Variants in CTNNA2 observed in about 807,000 individuals in gnomAD.
The protein encoded by CTNNA2 is catenin alpha 2.
Under a neutral mutation model 101.0 loss-of-function variants are expected in CTNNA2, and 42 were observed. The ratio of observed to expected loss-of-function variants is 0.42; its 90% CI spans 0.32 to 0.54. The LOEUF is 0.54. Among genes scored for constraint, CTNNA2 ranks in the 20% least tolerant of loss-of-function variants. CTNNA2 has a pLI of 0.14. For missense variants in CTNNA2, 871 were observed against 1,223.1 expected (o/e 0.71, Z 4.29); for synonymous variants, 450 against 456.4 (o/e 0.99, Z 0.18).
intron 7 of CTNNA2, among the ~76,000 whole-genome samples, chr2:80,321,557 T>C (rs529529462): frequency 1.3e-5 from 2 of 152,360 alleles, no homozygotes; most frequent in African/African-American, 4.8e-5. Context: ...GGTGTATGAA[T>C]TCATAAAATG....
intron 4 of CTNNA2, among the ~76,000 whole-genome samples, chr2:79,452,723 A>G (rs1278021164): frequency 6.6e-6 from 1 of 152,058 alleles, no homozygotes; most frequent in Non-Finnish European, 1.5e-5. Flanking sequence ...AGAGCTTTCA[A>G]ACATCTGAAG....
At position 80,589,293 on chromosome 2, in the gene CTNNA2, A is replaced by G; in HGVS notation, c.2008-11A>G. 6.2e-7 allele frequency: 1 copy of G among 1,613,050 alleles called. No homozygotes were observed. Among genetic ancestry groups the G allele is most frequent in the South Asian group, 1.1e-5 (1 of 90,984 alleles). On this transcript the variant is annotated splice_polypyrimidine_tract_variant and intron_variant, in intron 14 of 18. Transcript: ENST00000402739. ...TCACCGTCACTCACGCTTTTTCTGT[A>G]ACCCACGCAGGCCATCATGGCGCAA...
chr2:80,363,136 C>T (rs1674579058), intron 7 of CTNNA2, among the ~76,000 whole-genome samples: 1 of 151,340 alleles, frequency 6.6e-6, no homozygotes, highest in Non-Finnish European at 1.5e-5. Flanking sequence ...TTTAAAAAAT[C>T]CTGCAAGATA....
At chr2:80,599,439 T>C (rs759804968) in intron 15 of CTNNA2, among the ~76,000 whole-genome samples, 4 of 152,178 alleles carry the variant, frequency 2.6e-5, no homozygotes, top group African/African-American at 4.8e-5. Flanking sequence ...AAAGATATGG[T>C]TATTATTCCA....
chr2:79,521,337 T>G (rs1672112592), intron 1 of CTNNA2, among the ~76,000 whole-genome samples: 1 of 151,880 alleles, frequency 6.6e-6, no homozygotes, highest in African/African-American at 2.4e-5. Context: ...GACTGCTTCC[T>G]CAGCCGGTGC....
intron 3 of CTNNA2, among the ~76,000 whole-genome samples, chr2:79,752,286 A>C (rs944621520): frequency 6.6e-6 from 1 of 152,198 alleles, no homozygotes; most frequent in African/African-American, 2.4e-5. Flanking sequence ...GCGAACAAAG[A>C]ATCCTAAAAT....
chr2:80,635,012 A>G (rs1672722593), intron 18 of CTNNA2, among the ~76,000 whole-genome samples: 1 of 152,166 alleles, frequency 6.6e-6, no homozygotes, highest in Admixed American at 6.6e-5. Context: ...ACGGATGCTT[A>G]GATCATTCTC....
At chr2:80,508,323 T>A (rs1688431262) in intron 9 of CTNNA2, among the ~76,000 whole-genome samples, 1 of 151,906 alleles carries the variant, frequency 6.6e-6, no homozygotes, top group Non-Finnish European at 1.5e-5. Flanking sequence ...AAAATAATAA[T>A]AATTTTAAAA....
intron 2 of CTNNA2, among the ~76,000 whole-genome samples, chr2:79,202,342 TTA>T (rs1674047385): frequency 6.6e-6 from 1 of 151,568 alleles, no homozygotes; most frequent in African/African-American, 2.4e-5. Flanking sequence ...TTTATTTTTT[TTA>T]TTTTTTTTAT....
chr2:80,409,916 T>A lies in CTNNA2; in HGVS notation c.1138-9533T>A, dbSNP rs10203037. 5.7e-3 allele frequency among the ~76,000 whole-genome samples: 871 copies of A among 152,276 alleles called. 3 individuals are homozygous for A. Among genetic ancestry groups the A allele is most frequent in the African/African-American group, 0.02 (820 of 41,548 alleles). ...CACAATTAAAGGCAAATAAGAGAAC[T>A]TTTTTAGTTTTTCAAGAATGAATAT... On this transcript the variant is annotated intron_variant, in intron 8 of 18. Coordinates refer to ENST00000402739, the MANE Select transcript of CTNNA2 (RefSeq NM_001282597.3).
At position 79,613,173 on chromosome 2, in the gene CTNNA2, A is replaced by AT. The variant is rs943969607; in HGVS notation, c.-5-38379_-5-38378insT. On this transcript the variant is annotated intron_variant, in intron 1 of 18. Coordinates refer to ENST00000402739, the MANE Select transcript of CTNNA2 (RefSeq NM_001282597.3). ...GTGTTTAACGTTCAGAGCAAAAAAA[A>AT]AAAACGATGTTTGTTTACATACATG... 7.3e-5 allele frequency among the ~76,000 whole-genome samples: 11 copies of AT among 151,584 alleles called. No individual in the cohort carries two copies. The Middle Eastern group carries it at 0.014, about 187-fold the overall frequency.
Position 80,545,985 on chromosome 2 carries a change from C to G in CTNNA2, c.1462C>G (p.Gln488Glu). 1.2e-6 allele frequency: 2 copies of G among 1,614,110 alleles called. No individual in the cohort carries two copies. The highest frequency in any genetic ancestry group is 1.7e-6 in the Non-Finnish European group (2 of 1,180,020). ...AQDNMDVFKD[Q>E]WEKQVRVLTE... ...GGATAACATGGACGTCTTCAAAGAC[C>G]AGTGGGAGAAGCAGGTCCGAGTGTT... is the stretch of plus-strand genomic sequence containing the variant. The change falls in exon 11 of 19, where the codon CAG (glutamine) becomes GAG (glutamate). Residue 488 changes from glutamine to glutamate, a missense_variant. Around this residue, in one of 5 missense-constraint regions of CTNNA2, gnomAD observed 647 missense variants for 831.5 expected, o/e 0.78. Coordinates refer to ENST00000402739, the MANE Select transcript of CTNNA2 (RefSeq NM_001282597.3).
chr2:79,531,926 C>G (rs1268522792), intron 1 of CTNNA2, among the ~76,000 whole-genome samples: 1 of 151,992 alleles, frequency 6.6e-6, no homozygotes, highest in Admixed American at 6.6e-5. Flanking sequence ...GTGATCTGCC[C>G]GCCTTGGCCT....
In CTNNA2 at chr2:79,934,831, G is replaced by A. The variant is rs374391611; in HGVS notation, c.1056+25034G>A. Among the ~76,000 whole-genome samples the A allele has an allele frequency of 2.9e-4, 44 of 152,336 alleles. 1 individual carries two copies. The East Asian group carries it at 7.5e-3, about 26-fold the overall frequency. On this transcript the variant is annotated intron_variant, in intron 7 of 18. Transcript: ENST00000402739. Reference sequence around the variant, plus strand: ...CTATTTTATGTTACAAATGTAGGTAGCATTACTGAAAAGAGATAGATTTAG... The same window carrying A: ...CTATTTTATGTTACAAATGTAGGTAACATTACTGAAAAGAGATAGATTTAG...
At chr2:79,332,073 C>T (rs1043088984) in intron 3 of CTNNA2, among the ~76,000 whole-genome samples, 3 of 151,968 alleles carry the variant, frequency 2.0e-5, no homozygotes, top group Non-Finnish European at 4.4e-5. Flanking sequence ...CTTAACATTG[C>T]GAGATGGGGT....
At chr2:79,405,188 T>C (rs913863511) in intron 4 of CTNNA2, among the ~76,000 whole-genome samples, 5 of 151,998 alleles carry the variant, frequency 3.3e-5, no homozygotes, top group Admixed American at 2.0e-4. Context: ...CTGCAGAGAC[T>C]CCCTCTTTCC....
intron 4 of CTNNA2, among the ~76,000 whole-genome samples, chr2:79,441,481 T>G (rs1289510297): frequency 2.6e-5 from 4 of 152,150 alleles, no homozygotes; most frequent in African/African-American, 7.2e-5. Context: ...ACCCAGGGAC[T>G]GAAGCATGAC....
At chr2:79,234,970 C>T (rs1319111443) in intron 2 of CTNNA2, among the ~76,000 whole-genome samples, 1 of 152,130 alleles carries the variant, frequency 6.6e-6, no homozygotes, top group South Asian at 2.1e-4. Context: ...TCAACTTTCT[C>T]CTTGATCCCA....
rs1181064939 is a variant in CTNNA2 at position 80,219,089 on chromosome 2, G to GAGAA, written c.1057-174108_1057-174105dup. Among the ~76,000 whole-genome samples, 16 of 152,260 alleles carry GAGAA rather than the reference G, an allele frequency of 1.1e-4. No homozygotes were observed. In the South Asian group the frequency reaches 2.1e-3, roughly 20 times the overall value. ...AATCCATTTTCAAGAGCTAAAGAAA[G>GAGAA]AGAAAGAAAGAAAGAAAAAAAGCCA... On this transcript the variant is annotated intron_variant, in intron 7 of 18. Transcript: ENST00000402739.
Sources: allele counts gnomAD v4.1 joint callset (sites outside exome capture counted in the v4.1 genomes callset), GRCh38; gene constraint gnomAD v4.1.1; regional missense constraint gnomAD v4.1.1; transcripts MANE v1.5; gene names NCBI Gene and HGNC (gene_info 2026-07-23, HGNC 2026-07-21).